FLYWCH1: variants seen among roughly 807,000 people sequenced by gnomAD.
FLYWCH1 encodes FLYWCH-type zinc finger-containing protein 1.
In FLYWCH1, 75 loss-of-function variants were observed where a neutral mutation model predicts 66.4. That is an observed-to-expected ratio of 1.13 (90% confidence interval 0.94 to 1.37). FLYWCH1 has a LOEUF of 1.37. FLYWCH1 is among the 40% of genes most tolerant of loss of function. The probability of loss-of-function intolerance (pLI) is 0.00; values close to 1 mark genes in which losing one functional copy is unlikely to be tolerated. For missense variants in FLYWCH1, 1,334 were observed against 1,001.8 expected, an observed-to-expected ratio of 1.33 and a Z score of -4.48; for synonymous variants, 595 against 429.9, an observed-to-expected ratio of 1.38 and a Z score of -4.75.
chr16:2,933,313 G>A lies in FLYWCH1; in HGVS notation c.980G>A (p.Arg327His), dbSNP rs768884431. 3.2e-5 allele frequency: 52 copies of A among 1,610,712 alleles called. No homozygotes were observed. The highest frequency in any genetic ancestry group is 1.6e-4 in the Middle Eastern group (1 of 6,082). ...CAGGGACAGCGGGTGACTGTGATGC[G>A]TGGGCACTGCCACCAGCCCGATATG... ...ITQGQRVTVM[R>H]GHCHQPDMEG... Residue 327 changes from arginine (R) to histidine (H), a missense_variant, in exon 5 of 10, where the codon CGT becomes CAT. Physicochemically the swap from Arg to His is conservative, Grantham distance 29. Coordinates refer to ENST00000253928, the MANE Select transcript of FLYWCH1 (RefSeq NM_001308068.2).
chr16:2,917,249 G>A (rs1238344070), intron 2 of FLYWCH1, among the ~76,000 whole-genome samples: 3 of 135,654 alleles, frequency 2.2e-5, no homozygotes, highest in African/African-American at 8.4e-5. Context: ...TTTTTTTTGA[G>A]ATGGAGTTTT....
chr16:2,937,416 C>T (rs545440688), intron 7 of FLYWCH1, 32 bp downstream of exon 7: 53 of 1,505,818 alleles, frequency 3.5e-5, no homozygotes, highest in Non-Finnish European at 4.4e-5. Context: ...CTGGGTCTGC[C>T]TGGTCTCCCA....
At chr16:2,916,038 C>G (rs1421610124) in intron 2 of FLYWCH1, among the ~76,000 whole-genome samples, 1 of 152,168 alleles carries the variant, frequency 6.6e-6, no homozygotes, top group Non-Finnish European at 1.5e-5. Flanking sequence ...CATAAGGAAA[C>G]TTAGACTTTT....
intron 9 of FLYWCH1, among the ~76,000 whole-genome samples, chr16:2,946,970 A>AT (rs1352909495): frequency 3.9e-5 from 6 of 152,192 alleles, no homozygotes; most frequent in Admixed American, 3.9e-4. Flanking sequence ...GAGGTACCCT[A>AT]TGACCCAGCA....
At chr16:2,938,518 A>C in intron 8 of FLYWCH1, 62 bp downstream of exon 8, 1 of 1,455,264 alleles carries the variant, frequency 6.9e-7, no homozygotes, top group Non-Finnish European at 9.1e-7. Context: ...CCAGCTCAGA[A>C]CTGATGCCCC....
At position 2,930,705 on chromosome 16, in the gene FLYWCH1, C is replaced by G; in HGVS notation, c.621C>G (p.Gly207=). The part of the protein sequence containing the change: ...EGLGEPQGPE[G]PGGRVEEPLE... ...TGGGAGAGCCCCAGGGTCCTGAGGG[C>G]CCTGGAGGCCGAGTGGAGGAGCCCC... Residue 207 remains glycine, a synonymous_variant, in exon 4 of 10, where the codon GGC becomes GGG. Coordinates refer to ENST00000253928, the MANE Select transcript of FLYWCH1 (RefSeq NM_001308068.2). 1 of 1,544,468 alleles carries G rather than the reference C, an allele frequency of 6.5e-7. No homozygotes were observed. Among genetic ancestry groups the G allele is most frequent in the South Asian group, 1.2e-5 (1 of 84,206 alleles).
Position 2,930,899 on chromosome 16 carries a change from C to T in FLYWCH1, c.796+19C>T. 6.4e-7 allele frequency: 1 copy of T among 1,555,582 alleles called. No homozygotes were observed. Among genetic ancestry groups the T allele is most frequent in the South Asian group, 1.2e-5 (1 of 84,946 alleles). On this transcript the variant is annotated intron_variant, in intron 4 of 9. Transcript: ENST00000253928. The stretch of plus-strand genomic sequence containing the variant: ...GGGCTGGGTGAGTACAATCCACTCC[C>T]CTGCTGCGTCCACTCGGGGCAGGGG...
chr16:2,938,099 G>A (rs777166291), intron 7 of FLYWCH1, 85 bp from the exon 8 acceptor site: 9 of 1,359,374 alleles, frequency 6.6e-6, no homozygotes, highest in Non-Finnish European at 9.1e-6. Context: ...TCCTGGTGGG[G>A]CCTGGCTGGG....
intron 9 of FLYWCH1, among the ~76,000 whole-genome samples, chr16:2,948,466 G>T (rs1236761867): frequency 6.6e-6 from 1 of 152,094 alleles, no homozygotes; most frequent in Non-Finnish European, 1.5e-5. Context: ...AGGAGGCTGA[G>T]GTGGGAGAAT....
At chr16:2,944,216 G>A (rs139331281) in intron 9 of FLYWCH1, among the ~76,000 whole-genome samples, 20 of 151,504 alleles carry the variant, frequency 1.3e-4, no homozygotes, top group African/African-American at 2.2e-4. Flanking sequence ...GAGAAACTCC[G>A]TCTCTACTAA....
At chr16:2,918,189 C>A (rs1172402984) in intron 2 of FLYWCH1, among the ~76,000 whole-genome samples, 3 of 146,638 alleles carry the variant, frequency 2.0e-5, no homozygotes, top group African/African-American at 5.1e-5. Flanking sequence ...GCTCTGTCGC[C>A]CAGGCTGGAG....
intron 9 of FLYWCH1, among the ~76,000 whole-genome samples, chr16:2,945,240 C>T (rs548089112): frequency 2.6e-4 from 39 of 152,210 alleles, no homozygotes; most frequent in Admixed American, 9.8e-4. Context: ...GTAATCCCAG[C>T]ACTTTGGGAG....
At chr16:2,918,787 A>G (rs1466434108) in intron 2 of FLYWCH1, among the ~76,000 whole-genome samples, 2 of 152,174 alleles carry the variant, frequency 1.3e-5, no homozygotes, top group African/African-American at 4.8e-5. Flanking sequence ...TTCGCCAATG[A>G]ATAACAAATA....
At chr16:2,926,389 T>C (rs2150931546) in intron 2 of FLYWCH1, among the ~76,000 whole-genome samples, 1 of 152,306 alleles carries the variant, frequency 6.6e-6, no homozygotes, top group East Asian at 1.9e-4. Flanking sequence ...AGCGTTTCAG[T>C]TTCTGATGCC....
rs370312211 is a variant in FLYWCH1, at chr16:2,938,367, G to A, written c.1961G>A (p.Arg654His). The A allele has an allele frequency of 8.2e-6, 13 of 1,587,058 alleles. No homozygotes were observed. The highest frequency in any genetic ancestry group is 1.3e-5 in the African/African-American group (1 of 74,236). ...CAGGGCCACCGCATCATGGTCATGCGCAGCCACTGCCATCAGCCTGACCTG... is the reference window on the plus strand; with the variant it reads ...CAGGGCCACCGCATCATGGTCATGCACAGCCACTGCCATCAGCCTGACCTG... The part of the protein sequence containing the change: ...ITQGHRIMVM[R>H]SHCHQPDLAG... The change falls in exon 8 of 10, where the codon CGC (arginine) becomes CAC (histidine). Residue 654 changes from arginine (R) to histidine (H), a missense_variant. Arg to His is a conservative substitution (Grantham distance 29). Coordinates refer to ENST00000253928, the MANE Select transcript of FLYWCH1 (RefSeq NM_001308068.2).
At chr16:2,946,293 A>G (rs2071482954) in intron 9 of FLYWCH1, among the ~76,000 whole-genome samples, 1 of 139,002 alleles carries the variant, frequency 7.2e-6, no homozygotes, top group Admixed American at 7.3e-5. Flanking sequence ...TTCATAATTC[A>G]TGCCCTGTAT....
intron 2 of FLYWCH1, among the ~76,000 whole-genome samples, chr16:2,925,323 C>T (rs748647449): frequency 5.3e-5 from 8 of 152,092 alleles, no homozygotes; most frequent in Non-Finnish European, 2.9e-5. Context: ...CAAGGAACTG[C>T]CACGTCCATC....
chr16:2,936,346 G>A (rs1362133133), intron 6 of FLYWCH1: 5 of 455,134 alleles, frequency 1.1e-5, no homozygotes, highest in African/African-American at 8.0e-5. Context: ...CTGTGCTGCT[G>A]TGCCCCTCAG....
At chr16:2,945,576 A>G (rs1280651690) in intron 9 of FLYWCH1, among the ~76,000 whole-genome samples, 1 of 147,102 alleles carries the variant, frequency 6.8e-6, no homozygotes, top group Non-Finnish European at 1.5e-5. Flanking sequence ...GTGCACTGAG[A>G]TCGTGGCAGT....
Sources: gnomAD v4.1 joint callset for allele counts (sites outside exome capture counted in the v4.1 genomes callset) on GRCh38, gnomAD v4.1.1 for gene constraint, MANE v1.5 for transcripts, NCBI Gene and HGNC (gene_info 2026-07-23, HGNC 2026-07-21) for gene names.